Variants in CDH10 observed in about 807,000 individuals in gnomAD.
CDH10 encodes cadherin 10.
In CDH10, 30 loss-of-function variants were observed where a neutral mutation model predicts 73.1. The observed-to-expected ratio is 0.41, with a 90% CI of 0.31 to 0.56. The LOEUF is 0.56. CDH10 is among the 20% of genes least tolerant of loss of function. CDH10 has a pLI of 0.27. For synonymous variants in CDH10, 345 were observed against 348.2 expected, an observed-to-expected ratio of 0.99 and a Z score of 0.10; for missense variants, 815 against 973.7, an observed-to-expected ratio of 0.84 and a Z score of 2.17.
At chr5:24,493,077 T>C in intron 9 of CDH10, 152 bp from the exon 10 acceptor site, 1 of 504,164 alleles carries the variant, frequency 2.0e-6, no homozygotes, top group South Asian at 3.0e-5. Context: ...TTTTTAGTAT[T>C]ACTTTGATTT....
chr5:24,608,136 C>A (rs753078500), intron 1 of CDH10, among the ~76,000 whole-genome samples: 3 of 152,054 alleles, frequency 2.0e-5, no homozygotes, highest in Admixed American at 2.0e-4. Context: ...AGATTGCCGA[C>A]AGAATTATCC....
At chr5:24,533,782 A>G (rs1468387335) in intron 5 of CDH10, among the ~76,000 whole-genome samples, 1 of 152,058 alleles carries the variant, frequency 6.6e-6, no homozygotes, top group African/African-American at 2.4e-5. Flanking sequence ...TATTTTTCTT[A>G]CCAATATTAA....
intron 2 of CDH10, among the ~76,000 whole-genome samples, chr5:24,563,636 G>C (rs11738017): frequency 0.35 from 51,505 of 145,394 alleles, 11,026 homozygotes; most frequent in East Asian, 0.57. Context: ...CGTGGTGGCC[G>C]GCAGGCGCCT....
intron 1 of CDH10, among the ~76,000 whole-genome samples, chr5:24,643,178 C>T (rs332007): frequency 6.6e-6 from 1 of 151,972 alleles, no homozygotes; most frequent in East Asian, 1.9e-4. Context: ...TTAGTACACT[C>T]GGGGGAGCGG....
intron 1 of CDH10, among the ~76,000 whole-genome samples, chr5:24,603,961 C>A (rs916954984): frequency 6.6e-6 from 1 of 152,260 alleles, no homozygotes; most frequent in Admixed American, 6.5e-5. Context: ...CCAATCTAAT[C>A]AATGAGTCCA....
chr5:24,560,216 G>A (rs866425975), intron 2 of CDH10, among the ~76,000 whole-genome samples: 3,925 of 139,396 alleles, frequency 0.028, 144 homozygotes, highest in African/African-American at 0.075. Flanking sequence ...GTGTGTGTGT[G>A]TGTGTGTGTG....
rs1449122981 is a variant in CDH10, at chr5:24,488,098, G to C, written c.1932C>G (p.Ile644Met). 6.2e-7 allele frequency: 1 copy of C among 1,612,384 alleles called. No individual in the cohort carries two copies. Among genetic ancestry groups the C allele is most frequent in the South Asian group, 1.1e-5 (1 of 90,958 alleles). The change falls in exon 12 of 12, where the codon ATC (isoleucine) becomes ATG (methionine). Residue 644 changes from isoleucine (I) to methionine (M), a missense_variant. Physicochemically the swap from Ile to Met is conservative, Grantham distance 10. Around this residue, in one of 3 missense-constraint regions of CDH10, gnomAD observed 241 missense variants for 240.3 expected, o/e 1.00. Transcript: ENST00000264463. ...TGTCTCTGATATCTTCTTTTGACAAGATCAGAGGCTCTTTTTTTCGCTGTC... is the reference window on the plus strand; with the variant it reads ...TGTCTCTGATATCTTCTTTTGACAACATCAGAGGCTCTTTTTTTCGCTGTC... ...LKRQRKKEPL[I>M]LSKEDIRDNI...
chr5:24,581,739 T>C (rs2112056827), intron 2 of CDH10, among the ~76,000 whole-genome samples: 1 of 152,240 alleles, frequency 6.6e-6, no homozygotes, highest in South Asian at 2.1e-4. Context: ...AGACGAAGTG[T>C]CAAAGTAACC....
At chr5:24,569,247 A>T (rs755652083) in intron 2 of CDH10, among the ~76,000 whole-genome samples, 7 of 152,154 alleles carry the variant, frequency 4.6e-5, no homozygotes, top group Non-Finnish European at 1.0e-4. Flanking sequence ...ACTATGGGTG[A>T]GGGAGATAAA....
At chr5:24,564,795 A>T (rs528660741) in intron 2 of CDH10, among the ~76,000 whole-genome samples, 1 of 152,256 alleles carries the variant, frequency 6.6e-6, no homozygotes, top group South Asian at 2.1e-4. Context: ...GCTGCATGTA[A>T]CAAATCTCCC....
At chr5:24,520,433 A>AT (rs1209317508) in intron 5 of CDH10, among the ~76,000 whole-genome samples, 2 of 152,154 alleles carry the variant, frequency 1.3e-5, no homozygotes, top group Non-Finnish European at 2.9e-5. Context: ...AGCTCAATAT[A>AT]TTTTTTAAGA....
At chr5:24,512,507 G>A (rs1742955143) in intron 5 of CDH10, among the ~76,000 whole-genome samples, 1 of 123,748 alleles carries the variant, frequency 8.1e-6, no homozygotes, top group Non-Finnish European at 1.8e-5. Context: ...CAGCCATAAT[G>A]GGTAGGAATC....
At position 24,535,171 on chromosome 5, in the gene CDH10, G is replaced by A. The variant is rs773060107; in HGVS notation, c.755C>T (p.Thr252Ile). Reference protein sequence around the residue: ...MGGQMGGLSGTTTVNITLTDV... With the variant: ...MGGQMGGLSGITTVNITLTDV... ...TGTCAGCGTGATGTTCACAGTGGTT[G>A]TCCCCGATAAGCCTCCCATCTGGCC... The change falls in exon 5 of 12, where the codon ACA becomes ATA. Residue 252 changes from threonine to isoleucine, a missense_variant. Transcript: ENST00000264463. The A allele has an allele frequency of 2.5e-6, 4 of 1,613,442 alleles. No individual in the cohort carries two copies. The highest frequency in any genetic ancestry group is 3.4e-6 in the Non-Finnish European group (4 of 1,179,676).
intron 1 of CDH10, among the ~76,000 whole-genome samples, chr5:24,623,938 TTC>T (rs910822658): frequency 6.6e-6 from 1 of 152,098 alleles, no homozygotes; most frequent in South Asian, 2.1e-4. Context: ...GAAATGAAAG[TTC>T]TCTCTCTCTT....
At chr5:24,596,858 G>A (rs1371944920) in intron 1 of CDH10, among the ~76,000 whole-genome samples, 1 of 151,452 alleles carries the variant, frequency 6.6e-6, no homozygotes, top group Non-Finnish European at 1.5e-5. Flanking sequence ...TAAATATGTT[G>A]GACTATTTAT....
At chr5:24,641,175 G>C (rs1748038256) in intron 1 of CDH10, among the ~76,000 whole-genome samples, 1 of 151,902 alleles carries the variant, frequency 6.6e-6, no homozygotes, top group Non-Finnish European at 1.5e-5. Flanking sequence ...AAAGACAGGA[G>C]AAATGGATTA....
At chr5:24,640,064 A>G (rs1257709646) in intron 1 of CDH10, among the ~76,000 whole-genome samples, 2 of 151,784 alleles carry the variant, frequency 1.3e-5, no homozygotes, top group East Asian at 3.9e-4. Context: ...ACTGTCATAT[A>G]CTTTGTGCTA....
chr5:24,620,923 CT>C (rs1425152116), intron 1 of CDH10, among the ~76,000 whole-genome samples: 1 of 152,154 alleles, frequency 6.6e-6, no homozygotes, highest in African/African-American at 2.4e-5. Flanking sequence ...TTATGGAAAA[CT>C]CTTTTTAGTT....
intron 2 of CDH10, among the ~76,000 whole-genome samples, chr5:24,583,653 T>C (rs997904033): frequency 2.0e-5 from 3 of 152,190 alleles, no homozygotes; most frequent in African/African-American, 7.2e-5. Flanking sequence ...TTTTTGTTTG[T>C]TTGTTTTTTT....
Sources: allele counts gnomAD v4.1 joint callset (sites outside exome capture counted in the v4.1 genomes callset), GRCh38; gene constraint gnomAD v4.1.1; regional missense constraint gnomAD v4.1.1; transcripts MANE v1.5; gene names NCBI Gene and HGNC (gene_info 2026-07-23, HGNC 2026-07-21).